The following EFCAB8 variants were observed in gnomAD, a reference collection of about 807,000 sequenced individuals.
The protein encoded by EFCAB8 is EF-hand calcium-binding domain-containing protein 8.
A neutral mutation model predicts 116.3 loss-of-function variants in EFCAB8; 100 were observed. The ratio of observed to expected loss-of-function variants is 0.86; its 90% CI spans 0.73 to 1.02. EFCAB8 has a LOEUF of 1.02. Ranked by LOEUF, EFCAB8 falls within the 50% of genes least tolerant of loss-of-function variation. EFCAB8 has a pLI of 0.00. For missense variants in EFCAB8, 1,320 were observed against 1,416.9 expected (o/e 0.93, Z 1.10); for synonymous variants, 558 against 567.9 (o/e 0.98, Z 0.25).
At chr20:32,890,189 T>C (rs1186413654) in intron 7 of EFCAB8, among the ~76,000 whole-genome samples, 1 of 152,076 alleles carries the variant, frequency 6.6e-6, no homozygotes, top group Admixed American at 6.6e-5. Context: ...TCCAGTAGTC[T>C]CCACCTGTCC....
At chr20:32,877,566 C>G (rs1418175403) in intron 4 of EFCAB8, among the ~76,000 whole-genome samples, 1 of 152,194 alleles carries the variant, frequency 6.6e-6, no homozygotes, top group Non-Finnish European at 1.5e-5. Context: ...ATGAGGCCAA[C>G]TGAAAGAAAA....
chr20:32,901,933 G>T (rs560703964), intron 11 of EFCAB8, among the ~76,000 whole-genome samples: 1 of 152,246 alleles, frequency 6.6e-6, no homozygotes, highest in East Asian at 1.9e-4. Flanking sequence ...TGATTCGCCC[G>T]CCTCGGCCTC....
intron 1 of EFCAB8, among the ~76,000 whole-genome samples, chr20:32,859,231 G>C (rs1012552968): frequency 7.2e-5 from 11 of 152,124 alleles, no homozygotes; most frequent in Admixed American, 2.6e-4. Flanking sequence ...TCTCACCCCT[G>C]TTCTGGATGG....
At chr20:32,923,306 T>G (rs990920581) in intron 20 of EFCAB8, among the ~76,000 whole-genome samples, 2 of 152,074 alleles carry the variant, frequency 1.3e-5, no homozygotes, top group Non-Finnish European at 2.9e-5. Context: ...GGCAACACGG[T>G]GAAACCCCGT....
intron 5 of EFCAB8, 150 bp from the exon 6 acceptor site, chr20:32,885,355 A>G: frequency 5.9e-6 from 6 of 1,024,972 alleles, no homozygotes; most frequent in South Asian, 3.5e-5. Context: ...AGAGCCAGCT[A>G]TGGGTTTATG....
At position 32,885,570 on chromosome 20, in the gene EFCAB8, T is replaced by G; in HGVS notation, c.497T>G (p.Phe166Cys). The G allele has an allele frequency of 6.4e-7, 1 of 1,551,792 alleles. No homozygotes were observed. The highest frequency in any genetic ancestry group is 8.7e-7 in the Non-Finnish European group (1 of 1,147,016). The change falls in exon 6 of 27, where the codon TTC (phenylalanine) becomes TGC (cysteine). Residue 166 changes from phenylalanine to cysteine, a missense_variant. Coordinates refer to ENST00000400522, the MANE Select transcript of EFCAB8 (RefSeq NM_001143967.2). ...CACCGGTTCAAGAAGATCGGGTGTT[T>G]CCTGACTGTCACCAAAGACGGGATC... ...LIHRFKKIGC[F>C]LTVTKDGILQ...
chr20:32,861,096 A>AT (rs1383709812), intron 1 of EFCAB8, among the ~76,000 whole-genome samples: 1 of 152,128 alleles, frequency 6.6e-6, no homozygotes, highest in Non-Finnish European at 1.5e-5. Context: ...TGGAAGTCAG[A>AT]TTCATCCTTC....
At chr20:32,901,091 G>T (rs1454078199) in intron 11 of EFCAB8, among the ~76,000 whole-genome samples, 19 of 152,370 alleles carry the variant, frequency 1.2e-4, no homozygotes, top group Admixed American at 1.2e-3. Flanking sequence ...GGGCCTCCGG[G>T]AATGTCTGAC....
At chr20:32,891,715 A>C (rs534886714) in intron 7 of EFCAB8, among the ~76,000 whole-genome samples, 1 of 152,336 alleles carries the variant, frequency 6.6e-6, no homozygotes, top group African/African-American at 2.4e-5. Flanking sequence ...CCGGCCACGT[A>C]GAGAGGCAGA....
intron 22 of EFCAB8, among the ~76,000 whole-genome samples, 182 bp from the exon 23 acceptor site, chr20:32,943,454 G>C (rs2146291586): frequency 6.6e-6 from 1 of 152,340 alleles, no homozygotes; most frequent in African/African-American, 2.4e-5. Context: ...GAGGGCCAGA[G>C]AAGTGCCGGG....
chr20:32,864,710 G>A (rs1984300763), intron 2 of EFCAB8, among the ~76,000 whole-genome samples: 1 of 152,188 alleles, frequency 6.6e-6, no homozygotes, highest in South Asian at 2.1e-4. Context: ...AGTGGGATGG[G>A]CTGTAAGAGT....
Position 32,863,765 on chromosome 20 carries a change from T to G in EFCAB8, c.-10-18T>G. The G allele has an allele frequency of 6.5e-7, 1 of 1,549,616 alleles. No homozygotes were observed. The highest frequency in any genetic ancestry group is 8.7e-7 in the Non-Finnish European group (1 of 1,146,368). On this transcript the variant is annotated intron_variant, in intron 1 of 26. Transcript: ENST00000400522. ...TTACAACGACTGGAGTTAAGTTGAC[T>G]ATGATTCCCTATTCTAGGTCAAGGC...
At chr20:32,863,982 A>AT (rs372464707) in intron 2 of EFCAB8, 148 bp downstream of exon 2, 41,874 of 678,886 alleles carry the variant, frequency 0.062, 32 homozygotes, top group South Asian at 0.074. Context: ...ACTTAAGTGT[A>AT]TTTTTTTTTT....
chr20:32,906,005 G>T (rs557920505), intron 11 of EFCAB8, among the ~76,000 whole-genome samples: 1 of 152,132 alleles, frequency 6.6e-6, no homozygotes, highest in South Asian at 2.1e-4. Flanking sequence ...TTTCCTTTTG[G>T]TGTCTCTATC....
chr20:32,891,575 C>T (rs983719750), intron 7 of EFCAB8, among the ~76,000 whole-genome samples: 1 of 152,190 alleles, frequency 6.6e-6, no homozygotes, highest in Non-Finnish European at 1.5e-5. Context: ...GAGCAGCTGT[C>T]ATCTGCTCGG....
intron 3 of EFCAB8, among the ~76,000 whole-genome samples, chr20:32,869,719 C>G (rs1250164640): frequency 6.6e-6 from 1 of 151,682 alleles, no homozygotes; most frequent in Non-Finnish European, 1.5e-5. Context: ...TTAAGTCTCT[C>G]TACTGCAGAT....
intron 7 of EFCAB8, 24 bp downstream of exon 7, chr20:32,889,430 C>G (rs1327979252): frequency 3.2e-6 from 5 of 1,545,332 alleles, no homozygotes; most frequent in Non-Finnish European, 3.5e-6. Flanking sequence ...GGCTTCCCAG[C>G]TCTGCTCTCA....
Position 32,887,564 on chromosome 20 carries a change from G to C in EFCAB8, c.568-1737G>C, listed in dbSNP as rs1275671327. On this transcript the variant is annotated intron_variant, in intron 6 of 26. Transcript: ENST00000400522. ...TGCTCTAGCCTGGGCGACAGAGCGA[G>C]ACTCCGTCTCAATAAAAAGAGAGTA... Among the ~76,000 whole-genome samples the C allele has an allele frequency of 2.6e-5, 4 of 152,260 alleles. 1 individual carries two copies. The highest frequency in any genetic ancestry group is 5.9e-5 in the Non-Finnish European group (4 of 68,048).
At chr20:32,910,240 CAG>C (rs1986859675) in intron 15 of EFCAB8, among the ~76,000 whole-genome samples, 1 of 152,178 alleles carries the variant, frequency 6.6e-6, no homozygotes, top group African/African-American at 2.4e-5. Context: ...GAGTATGAGA[CAG>C]AGTGCTAGTT....
Sources: gnomAD v4.1 joint callset for allele counts (sites outside exome capture counted in the v4.1 genomes callset) on GRCh38, gnomAD v4.1.1 for gene constraint, MANE v1.5 for transcripts, NCBI Gene and HGNC (gene_info 2026-07-23, HGNC 2026-07-21) for gene names.